CLEC4F: variants seen among roughly 807,000 people sequenced by gnomAD.
The protein encoded by CLEC4F is C-type (calcium dependent, carbohydrate-recognition domain) lectin, superfamily member 13.
A neutral mutation model predicts 53.4 loss-of-function variants in CLEC4F; 45 were observed. The observed-to-expected ratio is 0.84, with a 90% CI of 0.66 to 1.08. The LOEUF (loss-of-function observed/expected upper bound fraction) is 1.08. Ranked by LOEUF, CLEC4F falls within the 50% of genes least tolerant of loss-of-function variation. The probability of loss-of-function intolerance (pLI) is 0.00; values close to 1 mark genes in which losing one functional copy is unlikely to be tolerated. For synonymous variants in CLEC4F, 245 were observed against 257.5 expected, an observed-to-expected ratio of 0.95 and a Z score of 0.46; for missense variants, 753 against 698.2, an observed-to-expected ratio of 1.08 and a Z score of -0.88.
intron 3 of CLEC4F, among the ~76,000 whole-genome samples, chr2:70,818,225 TAGAC>T (rs1294270619): frequency 6.6e-6 from 1 of 152,170 alleles, no homozygotes; most frequent in African/African-American, 2.4e-5. Flanking sequence ...TTTGTAAAGA[TAGAC>T]AAACAAATCA....
chr2:70,809,677 G>T, intron 6 of CLEC4F, 62 bp downstream of exon 6: 1 of 1,237,314 alleles, frequency 8.1e-7, no homozygotes, highest in Non-Finnish European at 1.2e-6. Flanking sequence ...GGGACACACA[G>T]TGTGTAGCTA....
intron 6 of CLEC4F, 135 bp downstream of exon 6, chr2:70,809,604 C>A (rs1489090369): frequency 1.2e-6 from 1 of 802,068 alleles, no homozygotes; most frequent in African/African-American, 1.7e-5. Context: ...ACCACACATA[C>A]ACCACATACA....
chr2:70,822,011 A>T (rs1677237261), upstream of CLEC4F, among the ~76,000 whole-genome samples: 1 of 152,080 alleles, frequency 6.6e-6, no homozygotes, highest in African/African-American at 2.4e-5. Flanking sequence ...CTCCCACCTC[A>T]GCCTCCCAAA....
chr2:70,816,331 G>A lies in CLEC4F; in HGVS notation c.1050C>T (p.Gly350=). The A allele has an allele frequency of 6.2e-7, 1 of 1,614,154 alleles. No homozygotes were observed. The highest frequency in any genetic ancestry group is 8.5e-7 in the Non-Finnish European group (1 of 1,180,028). Residue 350 remains glycine, a synonymous_variant, in exon 4 of 7, where the codon GGC becomes GGT. Coordinates refer to ENST00000272367, the MANE Select transcript of CLEC4F (RefSeq NM_173535.3). The part of the protein sequence containing the change: ...MVTAQTQKAN[G]RLDQTDTQIQ... ...TCTGAGTATCTGTCTGGTCCAGACG[G>A]CCATTTGCTTTTTGGGTCTGGGCTG...
rs782035331 is a variant in CLEC4F, at chr2:70,817,100, A to G, written c.281T>C (p.Phe94Ser). 1.2e-6 allele frequency: 2 copies of G among 1,608,006 alleles called. No individual in the cohort carries two copies. The highest frequency in any genetic ancestry group is 4.5e-5 in the East Asian group (2 of 44,880). The change falls in exon 4 of 7, where the codon TTT becomes TCT. Residue 94 changes from phenylalanine (F) to serine (S), a missense_variant. By Grantham distance (155) the Phe-to-Ser change is radical. Coordinates refer to ENST00000272367, the MANE Select transcript of CLEC4F (RefSeq NM_173535.3). ...CTCTCGCATTTCTGCCTCCCTGCCA[A>G]AGTGGTGATGATCTGGAGGGAGGAA... ...LPFEPNNHHHFGREAEMRELI... is the reference protein window; with the variant it reads ...LPFEPNNHHHSGREAEMRELI...
rs782550720 is a variant in CLEC4F at position 70,816,276 on chromosome 2, C to T, written c.1105G>A (p.Val369Met). The T allele has an allele frequency of 3.7e-6, 6 of 1,614,116 alleles. No homozygotes were observed. The highest frequency in any genetic ancestry group is 1.7e-5 in the Admixed American group (1 of 60,010). ...TGAATCTGGGCATTTAAGGTATTCA[C>T]ATTTTCCATCTCTGACTTGAATACC... The part of the protein sequence containing the change: ...IQVFKSEMEN[V>M]NTLNAQIQVL... Residue 369 changes from valine (V) to methionine (M), a missense_variant, in exon 4 of 7, where the codon GTG becomes ATG. Physicochemically the swap from Val to Met is conservative, Grantham distance 21 (BLOSUM62 1). Coordinates refer to ENST00000272367, the MANE Select transcript of CLEC4F (RefSeq NM_173535.3).
At chr2:70,823,573 G>C (rs1677279827), upstream of CLEC4F, among the ~76,000 whole-genome samples, 1 of 152,158 alleles carries the variant, frequency 6.6e-6, no homozygotes. Flanking sequence ...GGCCAGGAGA[G>C]GGGCATAGTT....
intron 4 of CLEC4F, among the ~76,000 whole-genome samples, chr2:70,814,207 G>C (rs2104648506): frequency 6.6e-6 from 1 of 152,276 alleles, no homozygotes; most frequent in East Asian, 1.9e-4. Flanking sequence ...GAAACAGTTT[G>C]GATTTTTTTT....
intron 5 of CLEC4F, among the ~76,000 whole-genome samples, 153 bp downstream of exon 5, chr2:70,812,293 AT>A (rs1676612338): frequency 6.6e-6 from 1 of 152,138 alleles, no homozygotes. Context: ...TCCAGTGCAT[AT>A]GCTCATCAGA....
intron 4 of CLEC4F, among the ~76,000 whole-genome samples, chr2:70,815,635 G>T (rs1364749900): frequency 2.0e-5 from 3 of 152,216 alleles, no homozygotes; most frequent in African/African-American, 7.2e-5. Flanking sequence ...TTGCAGATGA[G>T]AAAAGTGTAG....
At chr2:70,812,644 G>T in intron 4 of CLEC4F, 46 bp from the exon 5 acceptor site, 1 of 1,604,250 alleles carries the variant, frequency 6.2e-7, no homozygotes, top group Non-Finnish European at 8.5e-7. Context: ...GCTGCTGGTA[G>T]GAGTCCCAGA....
chr2:70,824,746 A>G (rs1157024526), upstream of CLEC4F, among the ~76,000 whole-genome samples: 1 of 152,144 alleles, frequency 6.6e-6, no homozygotes, highest in African/African-American at 2.4e-5. Flanking sequence ...AAAACAAATA[A>G]AATAGTATTG....
intron 6 of CLEC4F, 130 bp from the exon 7 acceptor site, chr2:70,809,512 C>G: frequency 3.0e-6 from 3 of 1,005,440 alleles, no homozygotes; most frequent in Non-Finnish European, 4.3e-6. Flanking sequence ...CCTGTGTGTC[C>G]AAACGCACAC....
intron 4 of CLEC4F, among the ~76,000 whole-genome samples, chr2:70,814,169 C>T (rs1553395219): frequency 6.6e-6 from 1 of 152,176 alleles, no homozygotes; most frequent in Non-Finnish European, 1.5e-5. Context: ...TGGACAGGTT[C>T]ACCAGCACTA....
At chr2:70,819,916 A>T in intron 1 of CLEC4F, 25 bp from the exon 2 acceptor site, 1 of 1,494,926 alleles carries the variant, frequency 6.7e-7, no homozygotes, top group South Asian at 1.3e-5. Flanking sequence ...GCAGTGTCCA[A>T]GGTGAGAGGG....
Position 70,816,307 on chromosome 2 carries a change from C to G in CLEC4F, c.1074G>C (p.Gln358His). 1 of 1,614,236 alleles carries G rather than the reference C, an allele frequency of 6.2e-7. No individual in the cohort carries two copies. Among genetic ancestry groups the G allele is most frequent in the Non-Finnish European group, 8.5e-7 (1 of 1,180,038 alleles). ...CCATCTCTGACTTGAATACCTGAAT[C>G]TGAGTATCTGTCTGGTCCAGACGGC... is the stretch of plus-strand genomic sequence containing the variant. ...ANGRLDQTDT[Q>H]IQVFKSEMEN... The change falls in exon 4 of 7, where the codon CAG becomes CAC. Residue 358 changes from glutamine (Q) to histidine (H), a missense_variant. Gln to His is a conservative substitution (Grantham distance 24). Transcript: ENST00000272367.
upstream of CLEC4F, among the ~76,000 whole-genome samples, chr2:70,821,662 T>C (rs1553398066): frequency 1.3e-5 from 2 of 152,246 alleles, no homozygotes; most frequent in African/African-American, 4.8e-5. Flanking sequence ...ACAGTGTTTT[T>C]CTGAGTTCTG....
chr2:70,812,331 G>T, intron 5 of CLEC4F, 116 bp downstream of exon 5: 1 of 1,119,860 alleles, frequency 8.9e-7, no homozygotes, highest in Non-Finnish European at 1.3e-6. Context: ...CTCCCTGCCT[G>T]GCAGAGGAGA....
intron 3 of CLEC4F, among the ~76,000 whole-genome samples, chr2:70,818,882 T>A (rs1420300865): frequency 1.3e-5 from 2 of 151,332 alleles, no homozygotes; most frequent in African/African-American, 2.4e-5. Context: ...GTTAGGAGAA[T>A]GACAAGACAA....
Sources: allele counts gnomAD v4.1 joint callset (sites outside exome capture counted in the v4.1 genomes callset), GRCh38; gene constraint gnomAD v4.1.1; transcripts MANE v1.5; gene names NCBI Gene and HGNC (gene_info 2026-07-23, HGNC 2026-07-21).